MYLK: variants seen among roughly 807,000 people sequenced by gnomAD.
MYLK encodes the protein myosin light chain kinase, smooth muscle.
MYLK carries 106 observed loss-of-function variants against 203.4 expected under a neutral mutation model. That is an observed-to-expected ratio of 0.52 (90% CI 0.45 to 0.61). The LOEUF is 0.61. MYLK is among the 20% of genes least tolerant of loss of function. The pLI is 0.00. For missense variants in MYLK, 2,072 were observed against 2,442.3 expected (o/e 0.85, Z 3.20); for synonymous variants, 867 against 959.5 (o/e 0.90, Z 1.78).
At chr3:123,734,435 A>C in intron 9 of MYLK, 1 of 524,642 alleles carries the variant, frequency 1.9e-6, no homozygotes, top group Non-Finnish European at 3.3e-6. Flanking sequence ...TGCCTGTCCC[A>C]CAACCCTGCC....
At chr3:123,725,893 G>T (rs559200749) in intron 12 of MYLK, 51 bp downstream of exon 12, 1 of 1,596,318 alleles carries the variant, frequency 6.3e-7, no homozygotes, top group South Asian at 1.1e-5. Context: ...TTCAGGCAGC[G>T]CCAAAGGGCC....
chr3:123,712,757 G>A (rs531196463), intron 13 of MYLK, among the ~76,000 whole-genome samples: 2 of 152,322 alleles, frequency 1.3e-5, no homozygotes, highest in African/African-American at 2.4e-5. Flanking sequence ...CTTCCTCATC[G>A]GTCTCTACGG....
intron 24 of MYLK, among the ~76,000 whole-genome samples, chr3:123,654,199 C>T (rs905806574): frequency 1.3e-5 from 2 of 152,158 alleles, no homozygotes; most frequent in African/African-American, 2.4e-5. Context: ...CATGGCTCAA[C>T]GGGTAAAGGC....
chr3:123,708,457 C>T (rs2061549872), intron 15 of MYLK, among the ~76,000 whole-genome samples: 1 of 152,214 alleles, frequency 6.6e-6, no homozygotes, highest in African/African-American at 2.4e-5. Flanking sequence ...ACTCTATGCA[C>T]CTTGGCACCA....
chr3:123,640,524 G>A lies in MYLK; in HGVS notation c.4620-20C>T. On this transcript the variant is annotated intron_variant, in intron 27 of 33. Coordinates refer to ENST00000360304, the MANE Select transcript of MYLK (RefSeq NM_053025.4). The surrounding 1 kb of genome is among the most constrained non-coding windows in gnomAD (Gnocchi z 4.3). ...GACACGCTGCGGGAACACGTGCACG[G>A]GGTGGTCAGGCCACAGGCTCATGGA... The A allele has an allele frequency of 6.2e-7, 1 of 1,613,080 alleles. No individual in the cohort carries two copies. The highest frequency in any genetic ancestry group is 8.5e-7 in the Non-Finnish European group (1 of 1,179,802).
At chr3:123,662,393 TA>T (rs2059591788) in intron 23 of MYLK, among the ~76,000 whole-genome samples, 1 of 150,712 alleles carries the variant, frequency 6.6e-6, no homozygotes, top group Non-Finnish European at 1.5e-5. Context: ...GAGATGAAGA[TA>T]GGGGAGAAAA....
chr3:123,728,748 G>A (rs978776001), intron 11 of MYLK, among the ~76,000 whole-genome samples: 7 of 152,158 alleles, frequency 4.6e-5, no homozygotes, highest in African/African-American at 1.4e-4. Context: ...TTAGCAAGGG[G>A]CAGGATGGGT....
At chr3:123,801,125 C>T (rs530980582) in intron 3 of MYLK, among the ~76,000 whole-genome samples, 1 of 152,338 alleles carries the variant, frequency 6.6e-6, no homozygotes, top group South Asian at 2.1e-4. Context: ...ATTTTCATAT[C>T]TGCTTTTGCA....
chr3:123,754,896 A>T (rs1054753965), intron 4 of MYLK, among the ~76,000 whole-genome samples: 4 of 152,242 alleles, frequency 2.6e-5, no homozygotes, highest in African/African-American at 9.6e-5. Flanking sequence ...GAGCCATGCA[A>T]ATAAATGTTA....
At chr3:123,690,586 T>G (rs1031634210) in intron 19 of MYLK, among the ~76,000 whole-genome samples, 1 of 152,146 alleles carries the variant, frequency 6.6e-6, no homozygotes, top group Non-Finnish European at 1.5e-5. Context: ...ACAACAGTCC[T>G]TTACTACTTT....
intron 4 of MYLK, among the ~76,000 whole-genome samples, chr3:123,782,969 G>T (rs1193478580): frequency 6.6e-6 from 1 of 152,290 alleles, no homozygotes; most frequent in South Asian, 2.1e-4. Flanking sequence ...CACAGTGTTT[G>T]TTCTACTTTT....
intron 22 of MYLK, among the ~76,000 whole-genome samples, chr3:123,664,831 A>G (rs1046738494): frequency 2.6e-5 from 4 of 152,234 alleles, no homozygotes; most frequent in Admixed American, 1.3e-4. Context: ...ATGAGCCCTG[A>G]AAAGAGTATG....
At chr3:123,762,398 T>G (rs2063564614) in intron 4 of MYLK, among the ~76,000 whole-genome samples, 1 of 151,742 alleles carries the variant, frequency 6.6e-6, no homozygotes, top group South Asian at 2.1e-4. Context: ...CCTGGCTAAT[T>G]TTTCATATTT....
At chr3:123,760,861 A>G (rs1396536803) in intron 4 of MYLK, among the ~76,000 whole-genome samples, 2 of 152,220 alleles carry the variant, frequency 1.3e-5, no homozygotes, top group Admixed American at 1.3e-4. Context: ...GTTTTTATGT[A>G]TTATTAAAAA....
At chr3:123,852,998 A>G (rs2030992802) in intron 2 of MYLK, among the ~76,000 whole-genome samples, 1 of 152,136 alleles carries the variant, frequency 6.6e-6, no homozygotes, top group Non-Finnish European at 1.5e-5. Flanking sequence ...GTTGGGTTGT[A>G]TGACCATTTG....
chr3:123,632,253 G>A (rs1484820519), intron 29 of MYLK, among the ~76,000 whole-genome samples: 2 of 151,928 alleles, frequency 1.3e-5, no homozygotes, highest in East Asian at 1.9e-4. Context: ...CTGTGACCCC[G>A]ACCCCCACGT....
At chr3:123,725,504 T>C (rs568858610) in intron 12 of MYLK, among the ~76,000 whole-genome samples, 3 of 152,258 alleles carry the variant, frequency 2.0e-5, no homozygotes, top group Non-Finnish European at 4.4e-5. Flanking sequence ...AAAGGTAAGA[T>C]CCCTCATGCG....
intron 2 of MYLK, among the ~76,000 whole-genome samples, chr3:123,832,313 T>C (rs1052812765): frequency 2.6e-5 from 4 of 152,226 alleles, no homozygotes; most frequent in Non-Finnish European, 4.4e-5. Context: ...TCAGACACTT[T>C]TGTTTTCCTC....
chr3:123,884,091 G>C (rs2033705313), intron 1 of MYLK, 115 bp downstream of exon 1: 1 of 151,810 alleles, frequency 6.6e-6, no homozygotes, highest in African/African-American at 2.4e-5. Context: ...TCTCCATTAG[G>C]GGAGTCGGGA....
Sources: allele counts gnomAD v4.1 joint callset (sites outside exome capture counted in the v4.1 genomes callset), GRCh38; gene constraint gnomAD v4.1.1; non-coding constraint Gnocchi (gnomAD v3.1); transcripts MANE v1.5; gene names NCBI Gene and HGNC (gene_info 2026-07-23, HGNC 2026-07-21).